The following ASAP1 variants were observed in gnomAD, a reference collection of about 807,000 sequenced individuals.
ASAP1 encodes ArfGAP with SH3 domain, ankyrin repeat and PH domain 1, also known as arf-GAP with SH3 domain, ANK repeat and PH domain-containing protein 1.
In ASAP1, 43 loss-of-function variants were observed where a neutral mutation model predicts 145.2. That is an observed-to-expected ratio of 0.30 (90% confidence interval 0.23 to 0.38). ASAP1 has a LOEUF of 0.38. Among genes scored for constraint, ASAP1 ranks in the 10% least tolerant of loss-of-function variants. The probability of loss-of-function intolerance (pLI) is 1.00; values close to 1 mark genes in which losing one functional copy is unlikely to be tolerated. For synonymous variants in ASAP1, 546 were observed against 515.5 expected, an observed-to-expected ratio of 1.06 and a Z score of -0.80; for missense variants, 1,018 against 1,355.3, an observed-to-expected ratio of 0.75 and a Z score of 3.91.
chr8:130,117,404 GT>G (rs543466644), intron 20 of ASAP1, among the ~76,000 whole-genome samples: 189 of 152,314 alleles, frequency 1.2e-3, no homozygotes, highest in African/African-American at 4.5e-3. Flanking sequence ...TGGAGCCAAT[GT>G]TTTGAGCCAC....
chr8:130,060,865 C>A lies in ASAP1; in HGVS notation c.2906G>T (p.Gly969Val). 6.2e-7 allele frequency: 1 copy of A among 1,613,778 alleles called. No homozygotes were observed. Among genetic ancestry groups the A allele is most frequent in the Middle Eastern group, 1.7e-4 (1 of 6,060 alleles). ...PGELPPKPQL[G>V]DLPPKPQLSD... ...GAGTTGGGGTTTGGGTGGCAGGTCC[C>A]CCAGCTGTGGTTTGGGGGGCAGTTC... The change falls in exon 28 of 30, where the codon GGG becomes GTG. Residue 969 changes from glycine to valine, a missense_variant. Physicochemically the swap from Gly to Val is moderately radical, Grantham distance 109 (BLOSUM62 -3). Coordinates refer to ENST00000518721, the MANE Select transcript of ASAP1 (RefSeq NM_018482.4).
intron 3 of ASAP1, among the ~76,000 whole-genome samples, chr8:130,247,202 T>G (rs920436686): frequency 1.3e-5 from 2 of 149,742 alleles, no homozygotes; most frequent in African/African-American, 4.9e-5. Flanking sequence ...CTTTTCCTCC[T>G]TTCCCCAATG....
chr8:130,422,275 C>T (rs1829751444), intron 1 of ASAP1, among the ~76,000 whole-genome samples: 1 of 152,068 alleles, frequency 6.6e-6, no homozygotes, highest in South Asian at 2.1e-4. Flanking sequence ...GAGATGAAGC[C>T]GATGAGGACT....
At chr8:130,423,327 T>C (rs1297234779) in intron 1 of ASAP1, among the ~76,000 whole-genome samples, 3 of 152,196 alleles carry the variant, frequency 2.0e-5, no homozygotes, top group South Asian at 2.1e-4. Context: ...ATTAACATAA[T>C]TGATAATGCC....
intron 27 of ASAP1, among the ~76,000 whole-genome samples, chr8:130,072,821 G>GTGTGTGCA (rs1564927952): frequency 5.6e-5 from 4 of 70,934 alleles, no homozygotes; most frequent in South Asian, 6.1e-4. Context: ...GTGTGTGTGT[G>GTGTGTGCA]TGTGCGCGCG....
At chr8:130,089,613 C>A (rs1472968423) in intron 25 of ASAP1, among the ~76,000 whole-genome samples, 3 of 152,286 alleles carry the variant, frequency 2.0e-5, no homozygotes, top group South Asian at 2.1e-4. Flanking sequence ...TTGGCTTCTA[C>A]AATACAATGT....
intron 3 of ASAP1, among the ~76,000 whole-genome samples, chr8:130,286,047 A>G (rs1821589669): frequency 6.6e-6 from 1 of 152,246 alleles, no homozygotes; most frequent in South Asian, 2.1e-4. Context: ...GTATGGTACT[A>G]GAAAATAACA....
At position 130,214,670 on chromosome 8, in the gene ASAP1, T is replaced by C; in HGVS notation, c.291A>G (p.Gln97=). 6.2e-7 allele frequency: 1 copy of C among 1,604,486 alleles called. No individual in the cohort carries two copies. The highest frequency in any genetic ancestry group is 8.5e-7 in the Non-Finnish European group (1 of 1,176,418). ...DHVQNEENYA[Q]VLDKFGSNFL... ...AATTACTCCCAAACTTATCAAGAAC[T>C]TGTGCATAGTTTTCTTCATTTTGTA... Residue 97 remains glutamine, a synonymous_variant, in exon 5 of 30, where the codon CAA becomes CAG. Transcript: ENST00000518721.
At chr8:130,423,873 T>C (rs1487545683) in intron 1 of ASAP1, among the ~76,000 whole-genome samples, 1 of 152,032 alleles carries the variant, frequency 6.6e-6, no homozygotes, top group African/African-American at 2.4e-5. Flanking sequence ...GTGCAGAAAG[T>C]ACTTTAAAGG....
intron 3 of ASAP1, among the ~76,000 whole-genome samples, chr8:130,266,604 C>A (rs191818436): frequency 6.6e-6 from 1 of 151,798 alleles, no homozygotes; most frequent in Admixed American, 6.6e-5. Context: ...AGATTACCTT[C>A]CAAAAATATA....
In ASAP1 at chr8:130,378,305, A is replaced by C. The variant is rs1827599084; in HGVS notation, c.60-20162T>G. On this transcript the variant is annotated intron_variant, in intron 2 of 29. Coordinates refer to ENST00000518721, the MANE Select transcript of ASAP1 (RefSeq NM_018482.4). Reference sequence around the variant, plus strand: ...AAGCAAGTGACTGATGAATGATGGAAGCACTAAAAGAAATAGATACTGGGA... The same window carrying C: ...AAGCAAGTGACTGATGAATGATGGACGCACTAAAAGAAATAGATACTGGGA... 2.6e-5 allele frequency among the ~76,000 whole-genome samples: 4 copies of C among 152,358 alleles called. No individual in the cohort carries two copies. In the South Asian group the frequency reaches 8.3e-4, roughly 32 times the overall value.
intron 11 of ASAP1, among the ~76,000 whole-genome samples, chr8:130,165,287 T>C (rs2097677759): frequency 6.6e-6 from 1 of 152,100 alleles, no homozygotes; most frequent in Non-Finnish European, 1.5e-5. Flanking sequence ...GGTAATACTG[T>C]GTGACAAAAC....
intron 3 of ASAP1, among the ~76,000 whole-genome samples, chr8:130,356,382 T>A (rs1013286521): frequency 6.6e-6 from 1 of 152,136 alleles, no homozygotes; most frequent in Non-Finnish European, 1.5e-5. Context: ...TAGAAGTATA[T>A]ACAATTAGTA....
intron 19 of ASAP1, 110 bp downstream of exon 19, chr8:130,118,379 G>T: frequency 7.4e-7 from 1 of 1,354,170 alleles, no homozygotes; most frequent in Non-Finnish European, 1.0e-6. Context: ...ATTTAGACAT[G>T]GCCACCCAAT....
rs749148513 is a variant in ASAP1, at chr8:130,065,496, T to C, written c.2702-4427A>G. On this transcript the variant is annotated intron_variant, in intron 27 of 29. Transcript: ENST00000518721. ...AAAAGATTAGAGTCCTGCCTTGGGGTACATAAAGGAGGGCAGGAGAGATTC... is the reference window on the plus strand; with the variant it reads ...AAAAGATTAGAGTCCTGCCTTGGGGCACATAAAGGAGGGCAGGAGAGATTC... 3.3e-5 allele frequency among the ~76,000 whole-genome samples: 5 copies of C among 151,982 alleles called. No homozygotes were observed. The South Asian group carries it at 1.0e-3, about 31-fold the overall frequency.
intron 2 of ASAP1, among the ~76,000 whole-genome samples, chr8:130,400,024 T>A (rs940313313): frequency 4.6e-5 from 7 of 152,152 alleles, no homozygotes; most frequent in Non-Finnish European, 1.5e-5. Context: ...TTCTCCATGT[T>A]GCTTAGGCTG....
chr8:130,390,374 C>T (rs1828221102), intron 2 of ASAP1, among the ~76,000 whole-genome samples: 1 of 152,214 alleles, frequency 6.6e-6, no homozygotes, highest in Admixed American at 6.5e-5. Flanking sequence ...CCAGCCTAAA[C>T]AATCTAGGAA....
rs1383878823 is a variant in ASAP1, at chr8:130,155,582, C to T, written c.1011-2777G>A. ...CATGTCGCCCAGGCTGGTGGGCTCA[C>T]GTGATCTGCCGGCCTCGGCCTCCTA... On this transcript the variant is annotated intron_variant, in intron 12 of 29. Transcript: ENST00000518721. Among the ~76,000 whole-genome samples, 4 of 152,250 alleles carry T rather than the reference C, an allele frequency of 2.6e-5. No homozygotes were observed. The East Asian group carries it at 5.8e-4, about 22-fold the overall frequency.
chr8:130,389,012 T>C (rs1274479295), intron 2 of ASAP1, among the ~76,000 whole-genome samples: 1 of 152,216 alleles, frequency 6.6e-6, no homozygotes, highest in Non-Finnish European at 1.5e-5. Context: ...AACAATACTA[T>C]CTACTCACAG....
Sources: allele counts gnomAD v4.1 joint callset (sites outside exome capture counted in the v4.1 genomes callset), GRCh38; gene constraint gnomAD v4.1.1; transcripts MANE v1.5; gene names NCBI Gene and HGNC (gene_info 2026-07-23, HGNC 2026-07-21).